Variants in PLCG2 observed in about 807,000 individuals in gnomAD.
PLCG2 encodes 1-phosphatidylinositol 4,5-bisphosphate phosphodiesterase gamma-2.
Under a neutral mutation model 175.6 loss-of-function variants are expected in PLCG2, and 69 were observed. The observed-to-expected ratio is 0.39, with a 90% CI of 0.32 to 0.48. The LOEUF is 0.48. Among genes scored for constraint, PLCG2 ranks in the 20% least tolerant of loss-of-function variants. The pLI is 0.91. For missense variants in PLCG2, 1,798 were observed against 1,650.9 expected, an observed-to-expected ratio of 1.09 and a Z score of -1.54; for synonymous variants, 827 against 624.0, an observed-to-expected ratio of 1.33 and a Z score of -4.85.
intron 2 of PLCG2, among the ~76,000 whole-genome samples, chr16:81,823,212 G>A (rs546951753): frequency 1.3e-5 from 2 of 152,378 alleles, no homozygotes; most frequent in South Asian, 4.1e-4. Flanking sequence ...GTTCAGCCTA[G>A]GGGAGGTCTG....
intron 2 of PLCG2, among the ~76,000 whole-genome samples, chr16:81,815,140 G>A (rs78192875): frequency 0.022 from 3,288 of 152,302 alleles, 51 homozygotes; most frequent in Non-Finnish European, 0.034. Context: ...GGCTTAAAAT[G>A]AAGCACCTGT....
intron 2 of PLCG2, 68 bp downstream of exon 2, chr16:81,786,250 T>C (rs1910967626): frequency 1.6e-6 from 2 of 1,281,318 alleles, no homozygotes; most frequent in South Asian, 2.6e-5. Context: ...CCTGTCCACC[T>C]TCCTGTCTTG....
At chr16:81,776,697 G>T (rs188823561), upstream of PLCG2, among the ~76,000 whole-genome samples, 368 of 152,288 alleles carry the variant, frequency 2.4e-3, 1 homozygote, top group Admixed American at 6.9e-3. Context: ...TGACACTACA[G>T]GTGTGTGCCA....
chr16:81,852,303 G>A (rs752326306), intron 2 of PLCG2, among the ~76,000 whole-genome samples: 1 of 152,112 alleles, frequency 6.6e-6, no homozygotes, highest in African/African-American at 2.4e-5. Context: ...GTCTGTCCCC[G>A]AACCAGTCAC....
intron 2 of PLCG2, among the ~76,000 whole-genome samples, chr16:81,769,519 T>TG (rs1043435680): frequency 2.0e-5 from 3 of 151,834 alleles, no homozygotes; most frequent in Non-Finnish European, 2.9e-5. Flanking sequence ...TTCTAGGTCT[T>TG]GAAAAAGACA....
rs545421919 is a variant in PLCG2 at position 81,784,459 on chromosome 16, G to A, written c.-47-1484G>A. On this transcript the variant is annotated intron_variant, in intron 1 of 32. Coordinates refer to ENST00000564138, the MANE Select transcript of PLCG2 (RefSeq NM_002661.5). ...AGCAGCTTGGCAGAAGGCTGAGCCC[G>A]GCTGGAAGCACAGACAGCCCTGGCT... 1.1e-3 allele frequency among the ~76,000 whole-genome samples: 170 copies of A among 152,260 alleles called. 1 individual carries two copies. Among genetic ancestry groups the A allele is most frequent in the Non-Finnish European group, 2.0e-3 (138 of 68,014 alleles).
intron 1 of PLCG2, among the ~76,000 whole-genome samples, chr16:81,752,293 G>C (rs1159702130): frequency 6.6e-6 from 1 of 152,126 alleles, no homozygotes; most frequent in Non-Finnish European, 1.5e-5. Flanking sequence ...GCTTCCCCAG[G>C]TGGAAGGTTC....
chr16:81,834,651 C>A (rs1404885243), intron 2 of PLCG2, among the ~76,000 whole-genome samples: 1 of 151,584 alleles, frequency 6.6e-6, no homozygotes, highest in Non-Finnish European at 1.5e-5. Flanking sequence ...GAGGGATGTT[C>A]CTGAGAGGAA....
chr16:81,792,976 G>A (rs1002097203), intron 2 of PLCG2, among the ~76,000 whole-genome samples: 1 of 152,154 alleles, frequency 6.6e-6, no homozygotes, highest in Non-Finnish European at 1.5e-5. Flanking sequence ...ATCTTATTGG[G>A]TGAGAATTAA....
chr16:81,818,650 C>T (rs944309684), intron 2 of PLCG2, among the ~76,000 whole-genome samples: 5 of 152,052 alleles, frequency 3.3e-5, no homozygotes, highest in Non-Finnish European at 4.4e-5. Context: ...GCCGGGCATA[C>T]CTTTTCTCTG....
At chr16:81,869,710 T>C (rs4889421) in intron 6 of PLCG2, among the ~76,000 whole-genome samples, 1 of 152,034 alleles carries the variant, frequency 6.6e-6, no homozygotes, top group South Asian at 2.1e-4. Flanking sequence ...CCTGGTAGTG[T>C]AGCTGTCAGA....
At chr16:81,781,186 T>A (rs1469246659) in intron 1 of PLCG2, among the ~76,000 whole-genome samples, 1 of 152,202 alleles carries the variant, frequency 6.6e-6, no homozygotes, top group African/African-American at 2.4e-5. Flanking sequence ...TAGTAACCAC[T>A]CTCCTGGATT....
chr16:81,954,105 C>T (rs1911470830), intron 31 of PLCG2, among the ~76,000 whole-genome samples: 1 of 152,086 alleles, frequency 6.6e-6, no homozygotes, highest in Non-Finnish European at 1.5e-5. Flanking sequence ...TCACTGCAGC[C>T]TTAACCTCCT....
At chr16:81,792,018 A>C (rs2143202707) in intron 2 of PLCG2, among the ~76,000 whole-genome samples, 1 of 152,336 alleles carries the variant, frequency 6.6e-6, no homozygotes, top group South Asian at 2.1e-4. Context: ...CTTCAAGGAA[A>C]GGAAATTTCT....
chr16:81,780,792 C>T (rs1023323553), intron 1 of PLCG2, among the ~76,000 whole-genome samples: 2 of 152,084 alleles, frequency 1.3e-5, no homozygotes, highest in Admixed American at 6.6e-5. Context: ...TTTGGGAGGC[C>T]GAGCTGGGCT....
intron 7 of PLCG2, among the ~76,000 whole-genome samples, chr16:81,873,146 A>C (rs964237608): frequency 6.6e-6 from 1 of 152,220 alleles, no homozygotes; most frequent in African/African-American, 2.4e-5. Flanking sequence ...AGTTGGGAGA[A>C]CTGGATTCTA....
Position 81,891,606 on chromosome 16 carries a change from G to T in PLCG2, c.986+16G>T, listed in dbSNP as rs1908638272. The stretch of plus-strand genomic sequence containing the variant: ...CACATAACACGTGAGTTTCAGATGA[G>T]CCTGTGATGGGTTGGGCAGCACAGA... On this transcript the variant is annotated intron_variant, in intron 11 of 32. Coordinates refer to ENST00000564138, the MANE Select transcript of PLCG2 (RefSeq NM_002661.5). 7.1e-7 allele frequency: 1 copy of T among 1,411,036 alleles called. No homozygotes were observed. The highest frequency in any genetic ancestry group is 1.4e-5 in the African/African-American group (1 of 71,030). The allele number at this position is 1,411,036 out of a possible 1,614,324, so 87.4% of individuals were successfully genotyped here.
chr16:81,906,752 A>G (rs1332930712), intron 15 of PLCG2, among the ~76,000 whole-genome samples: 1 of 152,206 alleles, frequency 6.6e-6, no homozygotes, highest in East Asian at 1.9e-4. Context: ...GTAAAGAATT[A>G]AGTTGGGCCA....
intron 20 of PLCG2, among the ~76,000 whole-genome samples, chr16:81,920,833 A>G (rs1238377983): frequency 1.3e-5 from 2 of 152,128 alleles, no homozygotes; most frequent in Non-Finnish European, 2.9e-5. Context: ...CAAGTTGTTG[A>G]TGTGCTGTCG....
Sources: gnomAD v4.1 joint callset for allele counts (sites outside exome capture counted in the v4.1 genomes callset) on GRCh38, gnomAD v4.1.1 for gene constraint, MANE v1.5 for transcripts, NCBI Gene and HGNC (gene_info 2026-07-23, HGNC 2026-07-21) for gene names.